The following FILIP1 variants were observed in gnomAD, a reference collection of about 807,000 sequenced individuals.
FILIP1 encodes filamin A interacting protein 1.
A neutral mutation model predicts 102.1 loss-of-function variants in FILIP1; 61 were observed. The observed-to-expected ratio is 0.60, with a 90% confidence interval of 0.49 to 0.74. The LOEUF is 0.74. FILIP1 is among the 30% of genes least tolerant of loss of function. FILIP1 has a pLI of 0.00. For synonymous variants in FILIP1, 491 were observed against 526.9 expected (o/e 0.93, Z 0.93); for missense variants, 1,314 against 1,441.2 (o/e 0.91, Z 1.43).
chr6:75,296,553 G>A (rs893000203), intron 6 of FILIP1: 5 of 149,296 alleles, frequency 3.3e-5, no homozygotes, highest in African/African-American at 1.2e-4. Flanking sequence ...AGGCTGGGGT[G>A]GAGTGACGCG....
At chr6:75,423,848 C>T (rs959150227) in intron 1 of FILIP1, among the ~76,000 whole-genome samples, 2 of 152,114 alleles carry the variant, frequency 1.3e-5, no homozygotes, top group Non-Finnish European at 2.9e-5. Flanking sequence ...AAGAGTTTAT[C>T]GAATCCTGAA....
At chr6:75,455,398 A>G (rs1778793565) in intron 1 of FILIP1, 1 of 152,170 alleles carries the variant, frequency 6.6e-6, no homozygotes, top group Non-Finnish European at 1.5e-5. Context: ...TCATGGTATG[A>G]AATGTATCCA....
intron 5 of FILIP1, 25 bp downstream of exon 5, chr6:75,312,372 G>A (rs760729320): frequency 1.3e-6 from 2 of 1,597,512 alleles, no homozygotes; most frequent in African/African-American, 2.7e-5. Flanking sequence ...CTGCAGGCCT[G>A]CGCTTTGGAG....
At position 75,308,760 on chromosome 6, in the gene FILIP1, C is replaced by T; in HGVS notation, c.3573G>A (p.Gln1191=). 1.2e-6 allele frequency: 2 copies of T among 1,614,062 alleles called. No homozygotes were observed. Reference sequence around the variant, plus strand: ...ATTTCTTCAGCTCTATTTTCATAGACTGAGTCTCAGCTCGAGGCTCGAATT... The same window carrying T: ...ATTTCTTCAGCTCTATTTTCATAGATTGAGTCTCAGCTCGAGGCTCGAATT... ...LTKFEPRAET[Q]SMKIELKKSA... is the part of the protein sequence containing the mutation. Residue 1191 remains glutamine (Q), a synonymous_variant, in exon 6 of 6, where the codon CAG becomes CAA. Transcript: ENST00000237172.
intron 4 of FILIP1, among the ~76,000 whole-genome samples, chr6:75,346,640 G>A (rs954750609): frequency 7.9e-5 from 12 of 152,096 alleles, no homozygotes; most frequent in African/African-American, 2.9e-4. Flanking sequence ...CCAACCCCGG[G>A]AAGCTACCTT....
chr6:75,372,359 C>T (rs1261002148), intron 2 of FILIP1, among the ~76,000 whole-genome samples: 3 of 130,960 alleles, frequency 2.3e-5, no homozygotes, highest in Non-Finnish European at 4.7e-5. Context: ...AAGAGTGAAA[C>T]TCTGTCTCAA....
intron 1 of FILIP1, among the ~76,000 whole-genome samples, chr6:75,490,609 T>C (rs528872707): frequency 1.3e-5 from 2 of 151,684 alleles, no homozygotes; most frequent in East Asian, 3.9e-4. Context: ...AGTTACAGTA[T>C]TTAGAGGTCT....
chr6:75,398,295 T>C (rs1057511237), intron 2 of FILIP1, among the ~76,000 whole-genome samples: 1 of 152,216 alleles, frequency 6.6e-6, no homozygotes. Context: ...AGCTGGTCTA[T>C]GACGGGTTGA....
chr6:75,340,887 A>G (rs61078652), intron 4 of FILIP1, among the ~76,000 whole-genome samples: 25,663 of 109,014 alleles, frequency 0.24, 2,135 homozygotes, highest in Middle Eastern at 0.34. Context: ...TTTTTTTTGT[A>G]AAGACGGTGT....
At chr6:75,419,095 G>C (rs1373433527) in intron 1 of FILIP1, among the ~76,000 whole-genome samples, 1 of 151,130 alleles carries the variant, frequency 6.6e-6, no homozygotes, top group Non-Finnish European at 1.5e-5. Context: ...AGTCATTTAT[G>C]CTGAATTAAC....
At chr6:75,395,124 G>A (rs559365658) in intron 2 of FILIP1, among the ~76,000 whole-genome samples, 2 of 152,006 alleles carry the variant, frequency 1.3e-5, no homozygotes, top group Admixed American at 6.5e-5. Flanking sequence ...ATCAGAAAAA[G>A]GCTGATTTCA....
At chr6:75,402,325 G>T (rs978389027) in intron 2 of FILIP1, among the ~76,000 whole-genome samples, 1 of 152,132 alleles carries the variant, frequency 6.6e-6, no homozygotes, top group Non-Finnish European at 1.5e-5. Flanking sequence ...AATCAGATCT[G>T]GTTCTGATTT....
chr6:75,398,289 G>T (rs576685616), intron 2 of FILIP1, among the ~76,000 whole-genome samples: 1 of 152,258 alleles, frequency 6.6e-6, no homozygotes, highest in Non-Finnish European at 1.5e-5. Context: ...TTTTGAAGCT[G>T]GTCTATGACG....
rs547322587 is a variant in FILIP1, at chr6:75,309,472, G to T, written c.3436-575C>A. On this transcript the variant is annotated intron_variant, in intron 5 of 5. Transcript: ENST00000237172. ...TTGCTGGCTTCTTGTTCTCTACTCTGCCTGCCTTCTAAATGTGTCACCATG... is the reference window on the plus strand; with the variant it reads ...TTGCTGGCTTCTTGTTCTCTACTCTTCCTGCCTTCTAAATGTGTCACCATG... Among the ~76,000 whole-genome samples the T allele has an allele frequency of 3.9e-5, 6 of 152,098 alleles. No individual in the cohort carries two copies. The South Asian group carries it at 1.2e-3, about 32-fold the overall frequency.
chr6:75,453,736 C>T (rs1482288703), intron 1 of FILIP1, among the ~76,000 whole-genome samples: 1 of 152,040 alleles, frequency 6.6e-6, no homozygotes, highest in Non-Finnish European at 1.5e-5. Context: ...CAATTGAGCC[C>T]AGGGGTTCAA....
At chr6:75,418,893 C>T (rs566643884) in intron 1 of FILIP1, among the ~76,000 whole-genome samples, 20 of 152,174 alleles carry the variant, frequency 1.3e-4, no homozygotes, top group East Asian at 5.8e-4. Context: ...ATAATTTACA[C>T]GGAATTTGCT....
intron 1 of FILIP1, chr6:75,454,113 G>A (rs1326412042): frequency 2.3e-6 from 1 of 432,600 alleles, no homozygotes; most frequent in East Asian, 7.0e-5. Flanking sequence ...AGGTGTTTCA[G>A]GGATGCGTTC....
At chr6:75,294,669 G>A (rs1031447242) in exon 7 of FILIP1, 4 of 151,802 alleles carry the variant, frequency 2.6e-5, no homozygotes, top group Admixed American at 2.6e-4. Flanking sequence ...TTCCTTCTGG[G>A]TTTTGGGGGT....
At chr6:75,335,685 G>A (rs1774219585) in intron 4 of FILIP1, among the ~76,000 whole-genome samples, 1 of 152,046 alleles carries the variant, frequency 6.6e-6, no homozygotes, top group Admixed American at 6.6e-5. Context: ...CAGAATAAAA[G>A]CACGATACCA....
Sources: gnomAD v4.1 joint callset for allele counts (sites outside exome capture counted in the v4.1 genomes callset) on GRCh38, gnomAD v4.1.1 for gene constraint, MANE v1.5 for transcripts, NCBI Gene and HGNC (gene_info 2026-07-23, HGNC 2026-07-21) for gene names.